ARHGAP29: variants seen among roughly 807,000 people sequenced by gnomAD.
The protein encoded by ARHGAP29 is rho GTPase-activating protein 29.
ARHGAP29 carries 43 observed loss-of-function variants against 122.6 expected under a neutral mutation model. The ratio of observed to expected loss-of-function variants is 0.35; its 90% CI spans 0.27 to 0.45. ARHGAP29 has a LOEUF of 0.45. ARHGAP29 is among the 20% of genes least tolerant of loss of function. ARHGAP29 has a pLI of 1.00. For synonymous variants in ARHGAP29, 506 were observed against 497.1 expected, an observed-to-expected ratio of 1.02 and a Z score of -0.24; for missense variants, 1,303 against 1,477.2, an observed-to-expected ratio of 0.88 and a Z score of 1.93.
At chr1:94,304,063 A>C in the ARHGAP29 span, among the ~76,000 whole-genome samples, 1 of 152,140 alleles carries the variant, frequency 6.6e-6, no homozygotes, top group African/African-American at 2.4e-5. Context: ...GCTCTGCTTT[A>C]CCTTGTTTTG....
intron 2 of ARHGAP29, among the ~76,000 whole-genome samples, chr1:94,222,689 T>C (rs1482847109): frequency 6.6e-6 from 1 of 152,158 alleles, no homozygotes; most frequent in Non-Finnish European, 1.5e-5. Flanking sequence ...AGGAAATCTA[T>C]GGAAATCTGA....
chr1:94,178,082 T>C lies in ARHGAP29; in HGVS notation c.2566A>G (p.Thr856Ala). 2.5e-6 allele frequency: 4 copies of C among 1,614,194 alleles called. No homozygotes were observed. Among genetic ancestry groups the C allele is most frequent in the South Asian group, 2.2e-5 (2 of 91,084 alleles). The change falls in exon 21 of 23, where the codon ACA (threonine) becomes GCA (alanine). Residue 856 changes from threonine to alanine, a missense_variant. Thr to Ala is a moderately conservative substitution (Grantham distance 58). Around this residue, in one of 3 missense-constraint regions of ARHGAP29, gnomAD observed 620 missense variants for 651.2 expected, o/e 0.95. Transcript: ENST00000260526. ...FGPSLIRPRPTTAPITISSLA... is the reference protein window; with the variant it reads ...FGPSLIRPRPATAPITISSLA... ...GAGGAGATGGTGATAGGAGCAGTTG[T>C]GGGCCTTGGCCTAATGAGACTTGGT... is the stretch of plus-strand genomic sequence containing the variant.
At chr1:94,247,842 A>T (rs1306386607) in intron 1 of ARHGAP29, 1 of 197,298 alleles carries the variant, frequency 5.1e-6, no homozygotes. Context: ...CGACCGCGGC[A>T]GGTTGGGGCG....
At position 94,247,299 on chromosome 1, in the gene ARHGAP29, G is replaced by A. The variant is rs556014922; in HGVS notation, c.-32-15656C>T. Reference sequence around the variant, plus strand: ...GGGAGCGGGGCTGAGACACGCTCGGGGAGTCCTGTAAGGGGAGGAAAGTCC... The same window carrying A: ...GGGAGCGGGGCTGAGACACGCTCGGAGAGTCCTGTAAGGGGAGGAAAGTCC... On this transcript the variant is annotated intron_variant and NMD_transcript_variant, in intron 1 of 25. Coordinates refer to the ARHGAP29 transcript ENST00000552844. Among the ~76,000 whole-genome samples the A allele has an allele frequency of 1.1e-4, 16 of 152,132 alleles. No homozygotes were observed. In the South Asian group the frequency reaches 1.2e-3, roughly 12 times the overall value.
chr1:94,195,333 C>T (rs1650388478), intron 12 of ARHGAP29: 2 of 152,176 alleles, frequency 1.3e-5, no homozygotes, highest in Admixed American at 1.3e-4. Context: ...AAGCAATATT[C>T]AGTTTATGAC....
chr1:94,282,255 CTTTATTTATTTATTTATTTA>C, the ARHGAP29 span, among the ~76,000 whole-genome samples: 749 of 141,484 alleles, frequency 5.3e-3, 10 homozygotes, highest in African/African-American at 0.019. Context: ...AGTGATAGTG[CTTTATTTATTTATTTATTTA>C]TTTATTTATT....
the ARHGAP29 span, chr1:94,302,815 G>A: frequency 4.1e-5 from 10 of 246,072 alleles, no homozygotes; most frequent in Non-Finnish European, 5.7e-5. Flanking sequence ...AAGCGGCATC[G>A]GAGGGGGCCA....
At position 94,266,637 on chromosome 1, in the gene ARHGAP29, A is replaced by G. The variant is rs143407014; in HGVS notation, c.-33+8375T>C. ...ACACAGAGAGAGGCTGGGAGAACCA[A>G]CTCATTCCCATAACTCTGGTTCTAA... On this transcript the variant is annotated intron_variant and NMD_transcript_variant, in intron 1 of 25. Coordinates refer to the ARHGAP29 transcript ENST00000552844. 4.7e-3 allele frequency among the ~76,000 whole-genome samples: 712 copies of G among 152,132 alleles called. 12 individuals carry two copies. Among genetic ancestry groups the G allele is most frequent in the Admixed American group, 0.032 (493 of 15,274 alleles).
the ARHGAP29 span, among the ~76,000 whole-genome samples, chr1:94,286,787 T>C: frequency 6.6e-6 from 1 of 152,194 alleles, no homozygotes. Context: ...CTTGGTATGT[T>C]AGAAGTCAAA....
At chr1:94,221,104 T>A (rs1652266490) in intron 2 of ARHGAP29, among the ~76,000 whole-genome samples, 1 of 152,168 alleles carries the variant, frequency 6.6e-6, no homozygotes, top group African/African-American at 2.4e-5. Flanking sequence ...GATGCAGTTT[T>A]ATTACACCTT....
intron 1 of ARHGAP29, among the ~76,000 whole-genome samples, chr1:94,257,126 G>A (rs548367189): frequency 4.0e-5 from 6 of 151,414 alleles, no homozygotes; most frequent in South Asian, 2.1e-4. Flanking sequence ...TGGCTGGGCC[G>A]GGCATGGTGG....
chr1:94,204,692 C>T (rs543763681), intron 7 of ARHGAP29, among the ~76,000 whole-genome samples: 1 of 152,098 alleles, frequency 6.6e-6, no homozygotes, highest in Admixed American at 6.5e-5. Flanking sequence ...CTGTAAAACA[C>T]TGAGGAAATA....
rs563500993 is a variant in ARHGAP29 at position 94,199,896 on chromosome 1, C to T, written c.1281+1824G>A. ...TGGCACTGACCTTTCTGTGTCACTCCGATAAAGTAACATCCTGTGGGTATA... is the reference window on the plus strand; with the variant it reads ...TGGCACTGACCTTTCTGTGTCACTCTGATAAAGTAACATCCTGTGGGTATA... On this transcript the variant is annotated intron_variant, in intron 12 of 22. Transcript: ENST00000260526. Among the ~76,000 whole-genome samples, 17 of 152,244 alleles carry T rather than the reference C, an allele frequency of 1.1e-4. No homozygotes were observed. In the South Asian group the frequency reaches 2.5e-3, roughly 22 times the overall value.
the ARHGAP29 span, among the ~76,000 whole-genome samples, chr1:94,307,225 C>G: frequency 1.6e-4 from 24 of 152,164 alleles, no homozygotes; most frequent in African/African-American, 5.8e-4. Flanking sequence ...TGAAAATCAC[C>G]TAAACTGCAG....
upstream of ARHGAP29, among the ~76,000 whole-genome samples, chr1:94,242,390 C>T (rs1234335343): frequency 6.6e-6 from 1 of 151,814 alleles, no homozygotes; most frequent in African/African-American, 2.4e-5. Flanking sequence ...ATGTTTAAAA[C>T]AAAGTAGTAA....
chr1:94,196,922 G>C (rs183555184), intron 12 of ARHGAP29, among the ~76,000 whole-genome samples: 120 of 152,108 alleles, frequency 7.9e-4, no homozygotes, highest in African/African-American at 2.6e-3. Context: ...AAATGTATCA[G>C]AAAAGCACAG....
At chr1:94,296,401 T>A in the ARHGAP29 span, among the ~76,000 whole-genome samples, 1 of 152,230 alleles carries the variant, frequency 6.6e-6, no homozygotes, top group East Asian at 1.9e-4. Flanking sequence ...ATAATTGTTC[T>A]ATTTTATTAT....
intron 1 of ARHGAP29, among the ~76,000 whole-genome samples, chr1:94,252,712 C>T (rs1276517923): frequency 8.3e-6 from 1 of 121,104 alleles, no homozygotes; most frequent in Non-Finnish European, 2.0e-5. Context: ...TAGAAGTTCT[C>T]TAATGAAAAA....
the ARHGAP29 span, chr1:94,302,632 C>A: frequency 2.3e-6 from 1 of 437,822 alleles, no homozygotes; most frequent in South Asian, 1.7e-5. Context: ...TCCATTACAT[C>A]ATCCCTGCAT....
Sources: gnomAD v4.1 joint callset for allele counts (sites outside exome capture counted in the v4.1 genomes callset) on GRCh38, gnomAD v4.1.1 for gene constraint, gnomAD v4.1.1 regional missense constraint, MANE v1.5 for transcripts, NCBI Gene and HGNC (gene_info 2026-07-23, HGNC 2026-07-21) for gene names.